The following DIO2 variants were observed in gnomAD, a reference collection of about 807,000 sequenced individuals.
The protein encoded by DIO2 is type II iodothyronine deiodinase.
A neutral mutation model predicts 21.4 loss-of-function variants in DIO2; 19 were observed. The ratio of observed to expected loss-of-function variants is 0.89; its 90% confidence interval spans 0.62 to 1.30. The LOEUF (loss-of-function observed/expected upper bound fraction) is 1.30. Among genes scored for constraint, DIO2 ranks in the 50% most tolerant of loss-of-function variants. The probability of loss-of-function intolerance (pLI) is 0.00; values close to 1 mark genes in which losing one functional copy is unlikely to be tolerated. For synonymous variants in DIO2, 122 were observed against 132.9 expected, an observed-to-expected ratio of 0.92 and a Z score of 0.57; for missense variants, 302 against 338.1, an observed-to-expected ratio of 0.89 and a Z score of 0.84.
chr14:80,201,149 A>G lies in DIO2; in HGVS notation c.*1540T>C, dbSNP rs1887699970. ...TAGTGTCTATTTTAAAAAGAAAAAA[A>G]TATTTTATATATATATTTTTTAAAA... is the stretch of plus-strand genomic sequence containing the variant. On this transcript the variant is annotated 3_prime_UTR_variant, in exon 2 of 2. Coordinates refer to ENST00000438257, the MANE Select transcript of DIO2 (RefSeq NM_013989.5). 2 of 151,060 alleles carry G rather than the reference A, an allele frequency of 1.3e-5. No homozygotes were observed. Among genetic ancestry groups the G allele is most frequent in the Admixed American group, 6.6e-5 (1 of 15,158 alleles). The allele number at this position is 151,060 out of a possible 1,614,324, so 9.4% of individuals were successfully genotyped here. A position where few individuals can be genotyped will look rare whatever the true frequency, so the allele number is the denominator to read the frequency against.
chr14:80,208,460 C>T (rs1348350564), intron 1 of DIO2, among the ~76,000 whole-genome samples: 1 of 152,092 alleles, frequency 6.6e-6, no homozygotes, highest in Admixed American at 6.5e-5. Flanking sequence ...AGGGATAATA[C>T]TTTTACTCCA....
intron 1 of DIO2, among the ~76,000 whole-genome samples, chr14:80,206,558 T>C (rs1043358869): frequency 1.3e-5 from 2 of 152,146 alleles, no homozygotes; most frequent in African/African-American, 4.8e-5. Flanking sequence ...TCTTCGATGA[T>C]GGAAGATTCT....
intron 1 of DIO2, among the ~76,000 whole-genome samples, chr14:80,207,828 A>C (rs1473129382): frequency 6.6e-6 from 1 of 152,102 alleles, no homozygotes; most frequent in Non-Finnish European, 1.5e-5. Context: ...GTTTTATCCA[A>C]GTGATGGACA....
chr14:80,211,127 C>G, intron 1 of DIO2, 124 bp downstream of exon 1: 1 of 904,830 alleles, frequency 1.1e-6, no homozygotes, highest in South Asian at 1.7e-5. Flanking sequence ...TAGAGGCTCA[C>G]TTGGCAACCC....
intron 1 of DIO2, among the ~76,000 whole-genome samples, chr14:80,208,472 T>C (rs1002623070): frequency 3.3e-5 from 5 of 152,222 alleles, no homozygotes; most frequent in Non-Finnish European, 5.9e-5. Context: ...TTTACTCCAC[T>C]TTCTCTACAT....
upstream of DIO2, chr14:80,212,252 TC>T (rs957324783): frequency 6.6e-6 from 1 of 152,110 alleles, no homozygotes; most frequent in African/African-American, 2.4e-5. Context: ...GAAAGCCTAA[TC>T]TTGGTAAAGA....
At chr14:80,208,934 A>G (rs1888056755) in intron 1 of DIO2, among the ~76,000 whole-genome samples, 1 of 152,230 alleles carries the variant, frequency 6.6e-6, no homozygotes, top group Non-Finnish European at 1.5e-5. Flanking sequence ...GGTAGCTATT[A>G]CATAAATCAT....
chr14:80,225,586 C>T (rs1046593678), intron 2 of DIO2, among the ~76,000 whole-genome samples: 3 of 152,222 alleles, frequency 2.0e-5, no homozygotes, highest in African/African-American at 7.2e-5. Flanking sequence ...TTCACATGGT[C>T]ATAGCTGGTA....
chr14:80,222,221 G>A (rs1334185385), intron 2 of DIO2, among the ~76,000 whole-genome samples: 5 of 152,168 alleles, frequency 3.3e-5, no homozygotes, highest in Non-Finnish European at 7.4e-5. Flanking sequence ...ACATGCAAAT[G>A]ACTTTCTTTT....
At chr14:80,227,199 GC>G (rs1888594006) in intron 2 of DIO2, among the ~76,000 whole-genome samples, 2 of 152,272 alleles carry the variant, frequency 1.3e-5, no homozygotes, top group South Asian at 2.1e-4. Context: ...TGTGAACCAG[GC>G]CCTAGTCTTC....
intron 1 of DIO2, among the ~76,000 whole-genome samples, chr14:80,204,429 C>T (rs1017250738): frequency 6.6e-6 from 1 of 152,104 alleles, no homozygotes. Context: ...TCCCTTTGCA[C>T]ATGGTTTAAA....
chr14:80,205,956 G>A (rs536199418), intron 1 of DIO2, among the ~76,000 whole-genome samples: 1 of 152,222 alleles, frequency 6.6e-6, no homozygotes, highest in African/African-American at 2.4e-5. Flanking sequence ...CACTGAGGCA[G>A]ATAAATTTAG....
intron 2 of DIO2, among the ~76,000 whole-genome samples, chr14:80,230,365 GT>G (rs949503847): frequency 6.6e-6 from 1 of 152,134 alleles, no homozygotes; most frequent in Admixed American, 6.5e-5. Context: ...ATATGAGCTT[GT>G]GTCTGTTTTT....
intron 1 of DIO2, chr14:80,206,454 AT>A: frequency 1.7e-6 from 1 of 591,254 alleles, no homozygotes; most frequent in Non-Finnish European, 2.9e-6. Flanking sequence ...CACCATAAAA[AT>A]TAAATTCCTA....
chr14:80,214,037 C>T (rs1328647430), upstream of DIO2, among the ~76,000 whole-genome samples: 1 of 152,148 alleles, frequency 6.6e-6, no homozygotes, highest in Admixed American at 6.5e-5. Flanking sequence ...TCTCAAACTA[C>T]TCAATGTCCT....
chr14:80,204,431 T>C (rs1414134214), intron 1 of DIO2, among the ~76,000 whole-genome samples: 2 of 152,156 alleles, frequency 1.3e-5, no homozygotes, highest in African/African-American at 2.4e-5. Flanking sequence ...CCTTTGCACA[T>C]GGTTTAAATA....
chr14:80,225,433 A>T (rs2140022381), intron 2 of DIO2, among the ~76,000 whole-genome samples: 1 of 152,372 alleles, frequency 6.6e-6, no homozygotes, highest in South Asian at 2.1e-4. Flanking sequence ...TGCTGATATG[A>T]GGTCAATAAA....
intron 1 of DIO2, among the ~76,000 whole-genome samples, chr14:80,207,471 A>G (rs2267873): frequency 0.19 from 29,134 of 152,126 alleles, 4,084 homozygotes; most frequent in African/African-American, 0.4. Flanking sequence ...AATATATCAC[A>G]TAATCTCATA....
rs745611080 is a variant in DIO2 at position 80,202,850 on chromosome 14, T to C, written c.661A>G (p.Ile221Val). The C allele has an allele frequency of 6.2e-6, 10 of 1,613,984 alleles. No individual in the cohort carries two copies. The highest frequency in any genetic ancestry group is 8.5e-6 in the Non-Finnish European group (10 of 1,179,878). ...CGTTCAAAGGCTACCCCGTAAGCTA[T>C]GTTGGCGTTATTGTCCATGCGGTCA... The part of the protein sequence containing the change: ...VADRMDNNAN[I>V]AYGVAFERVC... The change falls in exon 2 of 2, where the codon ATA becomes GTA. Residue 221 changes from isoleucine (I) to valine (V), a missense_variant. Physicochemically the swap from Ile to Val is conservative, Grantham distance 29. Transcript: ENST00000438257.
Sources: allele counts gnomAD v4.1 joint callset (sites outside exome capture counted in the v4.1 genomes callset), GRCh38; gene constraint gnomAD v4.1.1; transcripts MANE v1.5; gene names NCBI Gene and HGNC (gene_info 2026-07-23, HGNC 2026-07-21).